The following ASIC2 variants were observed in gnomAD, a reference collection of about 807,000 sequenced individuals.
The protein encoded by ASIC2 is acid-sensing ion channel 2.
Under a neutral mutation model 57.3 loss-of-function variants are expected in ASIC2, and 25 were observed. The observed-to-expected ratio is 0.44, with a 90% CI of 0.32 to 0.61. The LOEUF (loss-of-function observed/expected upper bound fraction) is 0.61. Among genes scored for constraint, ASIC2 ranks in the 20% least tolerant of loss-of-function variants. The probability of loss-of-function intolerance (pLI) is 0.06; values close to 1 mark genes in which losing one functional copy is unlikely to be tolerated. For missense variants in ASIC2, 641 were observed against 738.1 expected (o/e 0.87, Z 1.52); for synonymous variants, 319 against 307.5 (o/e 1.04, Z -0.39).
chr17:33,177,612 C>G (rs1036345648), intron 1 of ASIC2, among the ~76,000 whole-genome samples: 1 of 152,108 alleles, frequency 6.6e-6, no homozygotes, highest in Non-Finnish European at 1.5e-5. Flanking sequence ...GCAGCTGACA[C>G]CCATCAGCTG....
intron 1 of ASIC2, among the ~76,000 whole-genome samples, chr17:33,308,888 C>T (rs1034443535): frequency 3.9e-5 from 6 of 152,154 alleles, no homozygotes; most frequent in Non-Finnish European, 5.9e-5. Flanking sequence ...TGATAACTAT[C>T]GATCTCCTTT....
chr17:34,057,862 T>G (rs1005420654), intron 1 of ASIC2, among the ~76,000 whole-genome samples: 2 of 152,090 alleles, frequency 1.3e-5, no homozygotes, highest in Admixed American at 1.3e-4. Context: ...TCTGTCTAAC[T>G]CCAAAGCCAA....
chr17:33,829,715 C>A (rs1913047475), intron 1 of ASIC2, among the ~76,000 whole-genome samples: 1 of 151,848 alleles, frequency 6.6e-6, no homozygotes, highest in Non-Finnish European at 1.5e-5. Flanking sequence ...GGATTACAGG[C>A]CACTGTGCCT....
chr17:33,483,318 A>G (rs1913472606), intron 1 of ASIC2, among the ~76,000 whole-genome samples: 1 of 152,242 alleles, frequency 6.6e-6, no homozygotes, highest in South Asian at 2.1e-4. Context: ...TCTTGTCACA[A>G]TGGGTCCCCC....
At chr17:33,578,716 G>GA (rs1916732157) in intron 1 of ASIC2, among the ~76,000 whole-genome samples, 1 of 152,122 alleles carries the variant, frequency 6.6e-6, no homozygotes, top group South Asian at 2.1e-4. Context: ...GACCCGGCTT[G>GA]ACCTTGACAG....
intron 1 of ASIC2, among the ~76,000 whole-genome samples, chr17:33,341,267 C>T (rs895461011): frequency 1.3e-5 from 2 of 152,154 alleles, no homozygotes; most frequent in Non-Finnish European, 2.9e-5. Flanking sequence ...AACATGAACG[C>T]TTTCCCCATT....
intron 3 of ASIC2, among the ~76,000 whole-genome samples, chr17:33,078,111 T>G (rs1328144023): frequency 6.6e-6 from 1 of 152,170 alleles, no homozygotes; most frequent in East Asian, 1.9e-4. Flanking sequence ...ATTTATTAAC[T>G]TGTCCCCTGA....
At chr17:34,097,327 G>T (rs1380794561) in intron 1 of ASIC2, among the ~76,000 whole-genome samples, 1 of 152,136 alleles carries the variant, frequency 6.6e-6, no homozygotes, top group African/African-American at 2.4e-5. Context: ...GATGCAGGAA[G>T]AGTAGTTTGG....
chr17:33,987,255 C>T, intron 1 of ASIC2, among the ~76,000 whole-genome samples: 1 of 152,196 alleles, frequency 6.6e-6, no homozygotes, highest in East Asian at 1.9e-4. Context: ...TCACTATGCT[C>T]TGGTGCTCAG....
intron 1 of ASIC2, among the ~76,000 whole-genome samples, chr17:33,768,444 G>A (rs1404833279): frequency 6.6e-6 from 1 of 152,034 alleles, no homozygotes; most frequent in Non-Finnish European, 1.5e-5. Flanking sequence ...TCTTTTCCTG[G>A]GAATCTACAA....
intron 1 of ASIC2, among the ~76,000 whole-genome samples, chr17:34,058,355 A>G (rs1367986496): frequency 6.6e-6 from 1 of 152,156 alleles, no homozygotes; most frequent in Non-Finnish European, 1.5e-5. Flanking sequence ...TCAACAGTAG[A>G]TTATAACCAC....
At chr17:33,076,228 T>C (rs2092088586) in intron 3 of ASIC2, among the ~76,000 whole-genome samples, 1 of 152,232 alleles carries the variant, frequency 6.6e-6, no homozygotes, top group Non-Finnish European at 1.5e-5. Flanking sequence ...GCCATAGGCC[T>C]CTTGCTATGT....
chr17:33,781,134 A>T (rs1171331430), intron 1 of ASIC2, among the ~76,000 whole-genome samples: 1 of 152,072 alleles, frequency 6.6e-6, no homozygotes, highest in Non-Finnish European at 1.5e-5. Flanking sequence ...CCTTATCCTA[A>T]ACCTTTCTCC....
At chr17:34,037,478 T>C (rs1168298363) in intron 1 of ASIC2, 2 of 864,966 alleles carry the variant, frequency 2.3e-6, no homozygotes, top group African/African-American at 1.7e-5. Context: ...TCATGCTCTA[T>C]GGATGGGAAA....
At chr17:34,089,440 G>A (rs886358) in intron 1 of ASIC2, among the ~76,000 whole-genome samples, 77,400 of 151,940 alleles carry the variant, frequency 0.51, 22,456 homozygotes, top group Non-Finnish European at 0.65. Flanking sequence ...CATGCCCTGG[G>A]CCTCTCTGGG....
chr17:33,539,544 C>T (rs904005527), intron 1 of ASIC2, among the ~76,000 whole-genome samples: 2 of 152,236 alleles, frequency 1.3e-5, no homozygotes, highest in African/African-American at 4.8e-5. Context: ...ATGTAGACAA[C>T]TTTAACATTC....
chr17:33,805,426 G>T (rs376041090), intron 1 of ASIC2, among the ~76,000 whole-genome samples: 2 of 152,254 alleles, frequency 1.3e-5, no homozygotes, highest in African/African-American at 4.8e-5. Context: ...TCTTAGCAAA[G>T]GATCTCACCT....
chr17:33,528,167 G>GGTGTTTGTGTGTGTGTGTGT lies in ASIC2; in HGVS notation c.556-416101_556-416100insACACACACACACACAAACAC, dbSNP rs1555541095. On this transcript the variant is annotated intron_variant, in intron 1 of 9. Transcript: ENST00000359872. ...GCCTGGCTGACCCGTGTATGTGGTA[G>GGTGTTTGTGTGTGTGTGTGT]GTGTGTGTGTGTGTGTGTGGTTTCC... Among the ~76,000 whole-genome samples, 4 of 143,508 alleles carry GGTGTTTGTGTGTGTGTGTGT rather than the reference G, an allele frequency of 2.8e-5. No homozygotes were observed. The East Asian group carries it at 8.8e-4, about 31-fold the overall frequency. The allele number at this position is 143,508 out of a possible 152,430, so 94.1% of individuals were successfully genotyped here. A position where few individuals can be genotyped will look rare whatever the true frequency, so the allele number is the denominator to read the frequency against.
chr17:33,874,889 A>T (rs1356707595), intron 1 of ASIC2, among the ~76,000 whole-genome samples: 1 of 152,166 alleles, frequency 6.6e-6, no homozygotes, highest in Non-Finnish European at 1.5e-5. Context: ...CGGGGACCAC[A>T]CCTATGACCA....
Sources: allele counts gnomAD v4.1 joint callset (sites outside exome capture counted in the v4.1 genomes callset), GRCh38; gene constraint gnomAD v4.1.1; transcripts MANE v1.5; gene names NCBI Gene and HGNC (gene_info 2026-07-23, HGNC 2026-07-21).